ATP10B: variants seen among roughly 807,000 people sequenced by gnomAD.
ATP10B encodes the protein ATPase phospholipid transporting 10B (putative).
A neutral mutation model predicts 141.2 loss-of-function variants in ATP10B; 122 were observed. That is an observed-to-expected ratio of 0.86 (90% CI 0.75 to 1.00). The LOEUF is 1.00. Ranked by LOEUF, ATP10B falls within the 50% of genes least tolerant of loss-of-function variation. ATP10B has a pLI of 0.00. For missense variants in ATP10B, 1,876 were observed against 1,825.3 expected (o/e 1.03, Z -0.51); for synonymous variants, 685 against 692.0 (o/e 0.99, Z 0.16).
the ATP10B span, among the ~76,000 whole-genome samples, chr5:160,921,932 C>T: frequency 2.0e-5 from 3 of 152,246 alleles, no homozygotes; most frequent in Non-Finnish European, 4.4e-5. Context: ...CCTCTTTTCT[C>T]ATCCTTAATG....
chr5:160,583,558 A>T (rs538741672), intron 24 of ATP10B, among the ~76,000 whole-genome samples: 1 of 152,344 alleles, frequency 6.6e-6, no homozygotes, highest in African/African-American at 2.4e-5. Context: ...TCTGTCCCTT[A>T]GCAGAGCTCG....
chr5:160,588,373 T>C (rs1756053195), intron 24 of ATP10B, among the ~76,000 whole-genome samples: 1 of 152,148 alleles, frequency 6.6e-6, no homozygotes, highest in Non-Finnish European at 1.5e-5. Context: ...GGTTATGGCC[T>C]GCTTTAGCTT....
chr5:160,643,366 A>T (rs191719509), intron 9 of ATP10B, among the ~76,000 whole-genome samples: 1 of 152,318 alleles, frequency 6.6e-6, no homozygotes, highest in East Asian at 1.9e-4. Flanking sequence ...GGAGTTTTCC[A>T]GCAAAGGTAG....
Position 160,589,674 on chromosome 5 carries a change from T to A in ATP10B, c.3668A>T (p.Asp1223Val). Residue 1223 changes from aspartate (D) to valine (V), a missense_variant, in exon 24 of 26, where the codon GAT becomes GTT. Transcript: ENST00000327245. Reference sequence around the variant, plus strand: ...GATTGGTGTCCCAAAGGTAAAGACATCTATATCAGAGCCCTTATAGGCCTG... The same window carrying A: ...GATTGGTGTCCCAAAGGTAAAGACAACTATATCAGAGCCCTTATAGGCCTG... ...PYLAYKGSDI[D>V]VFTFGTPINT... 1 of 1,613,938 alleles carries A rather than the reference T, an allele frequency of 6.2e-7. No homozygotes were observed. Among genetic ancestry groups the A allele is most frequent in the Non-Finnish European group, 8.5e-7 (1 of 1,179,858 alleles).
At chr5:160,580,150 A>G (rs1366538770) in intron 24 of ATP10B, among the ~76,000 whole-genome samples, 1 of 152,086 alleles carries the variant, frequency 6.6e-6, no homozygotes, top group Non-Finnish European at 1.5e-5. Flanking sequence ...AATACCCTTT[A>G]TTTCTTTCTC....
intron 7 of ATP10B, among the ~76,000 whole-genome samples, chr5:160,652,414 CA>C (rs1760807554): frequency 7.1e-6 from 1 of 140,168 alleles, no homozygotes; most frequent in African/African-American, 2.8e-5. Context: ...CTGAGCCTTA[CA>C]AACCTGTCAG....
the ATP10B span, among the ~76,000 whole-genome samples, chr5:160,863,464 G>A: frequency 1.1e-4 from 17 of 152,062 alleles, no homozygotes; most frequent in South Asian, 1.2e-3. Flanking sequence ...CAAAAGCTGC[G>A]TTAAGAGGAA....
chr5:160,746,592 G>A (rs1475122366), intron 2 of ATP10B, among the ~76,000 whole-genome samples: 6 of 151,890 alleles, frequency 4.0e-5, no homozygotes, highest in African/African-American at 9.7e-5. Flanking sequence ...GGATTTCACC[G>A]TGTTGGCCAG....
chr5:160,624,596 C>G (rs529750487), intron 13 of ATP10B, among the ~76,000 whole-genome samples: 2 of 152,336 alleles, frequency 1.3e-5, no homozygotes, highest in Admixed American at 1.3e-4. Context: ...GAAGGGCACA[C>G]ACATATTATC....
At chr5:160,881,221 C>A in the ATP10B span, among the ~76,000 whole-genome samples, 2 of 152,018 alleles carry the variant, frequency 1.3e-5, no homozygotes, top group African/African-American at 4.8e-5. Flanking sequence ...CAGGAAAATG[C>A]AAACTAAAAC....
Position 160,703,978 on chromosome 5 carries a change from G to C in ATP10B, c.-205+12931C>G, listed in dbSNP as rs941100522. ...TCACCAGGGGCAGTGTTAAGGAGTAGTAACCTTTGTTATTGTTGTTGAGAG... is the reference window on the plus strand; with the variant it reads ...TCACCAGGGGCAGTGTTAAGGAGTACTAACCTTTGTTATTGTTGTTGAGAG... On this transcript the variant is annotated intron_variant, in intron 3 of 25. Transcript: ENST00000327245. Among the ~76,000 whole-genome samples the C allele has an allele frequency of 2.6e-5, 4 of 152,118 alleles. No individual in the cohort carries two copies. In the East Asian group the frequency reaches 7.7e-4, roughly 29 times the overall value.
chr5:160,566,891 A>G (rs1192596239), intron 25 of ATP10B, among the ~76,000 whole-genome samples: 1 of 152,164 alleles, frequency 6.6e-6, no homozygotes, highest in Non-Finnish European at 1.5e-5. Context: ...ATAAGCAGGA[A>G]GGCTTCTATT....
intron 6 of ATP10B, among the ~76,000 whole-genome samples, chr5:160,677,910 G>T (rs957549994): frequency 6.6e-6 from 1 of 152,158 alleles, no homozygotes; most frequent in Non-Finnish European, 1.5e-5. Context: ...GTACCAAATT[G>T]CAGCTTTATT....
chr5:160,914,642 T>A, the ATP10B span, among the ~76,000 whole-genome samples: 1 of 152,198 alleles, frequency 6.6e-6, no homozygotes, highest in Non-Finnish European at 1.5e-5. Context: ...AATTCATGGA[T>A]GTGGAACCTG....
At chr5:160,757,141 G>T (rs552770473) in intron 2 of ATP10B, among the ~76,000 whole-genome samples, 1 of 152,250 alleles carries the variant, frequency 6.6e-6, no homozygotes, top group East Asian at 1.9e-4. Context: ...TAGGGTTCAA[G>T]ATTAATCTTT....
At chr5:160,751,192 C>T (rs1295813966) in intron 2 of ATP10B, among the ~76,000 whole-genome samples, 1 of 152,188 alleles carries the variant, frequency 6.6e-6, no homozygotes, top group Non-Finnish European at 1.5e-5. Flanking sequence ...TTATTGCTTT[C>T]CTTTCCTCCT....
intron 2 of ATP10B, among the ~76,000 whole-genome samples, chr5:160,758,500 A>G (rs1768798314): frequency 6.6e-6 from 1 of 152,204 alleles, no homozygotes; most frequent in Non-Finnish European, 1.5e-5. Flanking sequence ...TTACAGGAGA[A>G]GAGAAGATGC....
chr5:160,581,539 T>C (rs1260382128), intron 24 of ATP10B, among the ~76,000 whole-genome samples: 4 of 152,230 alleles, frequency 2.6e-5, no homozygotes, highest in Non-Finnish European at 5.9e-5. Flanking sequence ...TCCATTCTTT[T>C]GTATTTGCTG....
At chr5:160,729,286 T>TAATC (rs1766577375) in intron 2 of ATP10B, among the ~76,000 whole-genome samples, 1 of 152,174 alleles carries the variant, frequency 6.6e-6, no homozygotes, top group Admixed American at 6.5e-5. Flanking sequence ...AGCATAGCAC[T>TAATC]AATGCTTATT....
Sources: allele counts gnomAD v4.1 joint callset (sites outside exome capture counted in the v4.1 genomes callset), GRCh38; gene constraint gnomAD v4.1.1; transcripts MANE v1.5; gene names NCBI Gene and HGNC (gene_info 2026-07-23, HGNC 2026-07-21).